SSH2: variants seen among roughly 807,000 people sequenced by gnomAD.
The protein encoded by SSH2 is slingshot protein phosphatase 2, also known as protein phosphatase Slingshot homolog 2.
A neutral mutation model predicts 135.2 loss-of-function variants in SSH2; 37 were observed. That is an observed-to-expected ratio of 0.27 (90% CI 0.21 to 0.36). The LOEUF is 0.36. Among genes scored for constraint, SSH2 ranks in the 10% least tolerant of loss-of-function variants. SSH2 has a pLI of 1.00. For synonymous variants in SSH2, 628 were observed against 646.2 expected (o/e 0.97, Z 0.43); for missense variants, 1,408 against 1,765.3 (o/e 0.80, Z 3.63).
At chr17:29,796,183 CCT>C (rs2042152637) in intron 2 of SSH2, among the ~76,000 whole-genome samples, 1 of 152,182 alleles carries the variant, frequency 6.6e-6, no homozygotes, top group Non-Finnish European at 1.5e-5. Flanking sequence ...CTTCTGTTTG[CCT>C]CTTATTTCCC....
intron 1 of SSH2, among the ~76,000 whole-genome samples, chr17:29,892,364 G>A (rs979575239): frequency 2.6e-5 from 4 of 151,788 alleles, no homozygotes; most frequent in African/African-American, 9.7e-5. Context: ...TGAGGGTGTT[G>A]CTCTTTAGAC....
At chr17:29,702,863 G>T in intron 4 of SSH2, 96 bp downstream of exon 4, 1 of 995,334 alleles carries the variant, frequency 1.0e-6, no homozygotes. Flanking sequence ...CACCATTAAA[G>T]AACTTCTGAA....
rs565770525 is a variant in SSH2 at position 29,721,678 on chromosome 17, T to C, written c.189-18616A>G. Among the ~76,000 whole-genome samples the C allele has an allele frequency of 2.6e-5, 4 of 152,292 alleles. No homozygotes were observed. The South Asian group carries it at 8.3e-4, about 32-fold the overall frequency. On this transcript the variant is annotated intron_variant, in intron 3 of 15. Transcript: ENST00000540801. ...AAGGAAGGTGGCTGAAGATATTCAA[T>C]AACAAACTTTCTACCAAAACAAGGA...
intron 1 of SSH2, among the ~76,000 whole-genome samples, chr17:29,917,904 T>G (rs1217824302): frequency 6.6e-6 from 1 of 151,768 alleles, no homozygotes; most frequent in East Asian, 1.9e-4. Context: ...TCAGGCCAGG[T>G]GCATATGGCT....
Position 29,632,376 on chromosome 17 carries a change from T to G in SSH2, c.2818A>C (p.Lys940Gln). Residue 940 changes from lysine to glutamine, a missense_variant, in exon 16 of 16, where the codon AAA becomes CAA. Lys to Gln is a moderately conservative substitution (Grantham distance 53). Coordinates refer to ENST00000540801, the MANE Select transcript of SSH2 (RefSeq NM_001282129.2). Reference sequence around the variant, plus strand: ...TGTTCTGGGGGGGCTTCATCACTTTTCCCTTTTGGTGCTAGGTCTGCCACA... The same window carrying G: ...TGTTCTGGGGGGGCTTCATCACTTTGCCCTTTTGGTGCTAGGTCTGCCACA... ...SSVADLAPKG[K>Q]SDEAPPEHSF... is the part of the protein sequence containing the mutation. 3 of 1,614,062 alleles carry G rather than the reference T, an allele frequency of 1.9e-6. No homozygotes were observed. The South Asian group carries it at 3.3e-5, about 18-fold the overall frequency.
intron 1 of SSH2, among the ~76,000 whole-genome samples, chr17:29,917,400 T>C (rs1486627643): frequency 6.6e-6 from 1 of 152,208 alleles, no homozygotes; most frequent in East Asian, 1.9e-4. Context: ...GGTTTGTGCC[T>C]TTCCCACTGC....
intron 2 of SSH2, among the ~76,000 whole-genome samples, chr17:29,813,843 A>T (rs1401443773): frequency 2.0e-5 from 3 of 147,892 alleles, no homozygotes; most frequent in Admixed American, 6.8e-5. Flanking sequence ...ATTAAAATTT[A>T]AAAAAAGGCT....
At chr17:29,927,598 C>T (rs1342954373) in intron 1 of SSH2, among the ~76,000 whole-genome samples, 1 of 152,146 alleles carries the variant, frequency 6.6e-6, no homozygotes, top group Non-Finnish European at 1.5e-5. Flanking sequence ...ACAAACAACC[C>T]AACCTATTCA....
At chr17:29,690,007 C>A (rs1217828235) in intron 5 of SSH2, among the ~76,000 whole-genome samples, 3 of 112,082 alleles carry the variant, frequency 2.7e-5, no homozygotes, top group Admixed American at 1.1e-4. Flanking sequence ...AAGCGAGATC[C>A]ATCTCAAAAA....
chr17:29,747,386 T>C (rs1161587488), intron 3 of SSH2, among the ~76,000 whole-genome samples: 1 of 152,134 alleles, frequency 6.6e-6, no homozygotes, highest in African/African-American at 2.4e-5. Context: ...ATCCCTCGAA[T>C]TACTAAAAGA....
chr17:29,797,310 C>T (rs1164866212), intron 2 of SSH2, among the ~76,000 whole-genome samples: 2 of 152,154 alleles, frequency 1.3e-5, no homozygotes, highest in Non-Finnish European at 2.9e-5. Context: ...ACCACCCACT[C>T]CTGAGGCAAC....
intron 7 of SSH2, 65 bp downstream of exon 7, chr17:29,677,608 T>C: frequency 2.3e-6 from 3 of 1,328,752 alleles, no homozygotes; most frequent in Admixed American, 3.4e-5. Context: ...GCTGAATGAA[T>C]GTGCAGTAAG....
At chr17:29,737,382 ATTT>A (rs1339880346) in intron 3 of SSH2, among the ~76,000 whole-genome samples, 4 of 152,066 alleles carry the variant, frequency 2.6e-5, no homozygotes, top group African/African-American at 9.7e-5. Context: ...TCAGCTAATT[ATTT>A]ATTTATAATA....
intron 4 of SSH2, among the ~76,000 whole-genome samples, chr17:29,696,208 C>CACACACACACAAAT (rs373379041): frequency 7.1e-6 from 1 of 140,802 alleles, no homozygotes; most frequent in African/African-American, 2.6e-5. Flanking sequence ...CACACACACA[C>CACACACACACAAAT]ATATGTATAT....
intron 1 of SSH2, among the ~76,000 whole-genome samples, chr17:29,871,000 C>A (rs1383456187): frequency 6.6e-6 from 1 of 152,146 alleles, no homozygotes; most frequent in Non-Finnish European, 1.5e-5. Context: ...ACAGGGCCAA[C>A]TGAAGCAGTA....
At chr17:29,860,624 G>C (rs906218885) in intron 1 of SSH2, among the ~76,000 whole-genome samples, 2 of 151,822 alleles carry the variant, frequency 1.3e-5, no homozygotes, top group Non-Finnish European at 2.9e-5. Flanking sequence ...TATGGACAAG[G>C]TTTCGCCATG....
intron 3 of SSH2, among the ~76,000 whole-genome samples, chr17:29,759,075 G>A (rs1248979885): frequency 6.6e-6 from 1 of 151,618 alleles, no homozygotes; most frequent in East Asian, 1.9e-4. Context: ...TTTGAGACAG[G>A]GTCTTGCTCT....
chr17:29,793,644 TTA>T, intron 3 of SSH2: 1 of 322,782 alleles, frequency 3.1e-6, no homozygotes, highest in Non-Finnish European at 5.8e-6. Flanking sequence ...CTTTTTTTTT[TTA>T]AAAAACGGAG....
rs200784350 is a variant in SSH2, at chr17:29,900,966, C to CAT, written c.63+28970_63+28971dup. Among the ~76,000 whole-genome samples the CAT allele has an allele frequency of 3.8e-3, 574 of 152,274 alleles. 22 individuals are homozygous for CAT. In the East Asian group the frequency reaches 0.098, roughly 26 times the overall value. ...ATGCAGCCATAAAAAATGATGAGTTCATGTCCTTTGTAGGGACATGGATGA... is the reference window on the plus strand; with the variant it reads ...ATGCAGCCATAAAAAATGATGAGTTCATATGTCCTTTGTAGGGACATGGATGA... On this transcript the variant is annotated intron_variant, in intron 1 of 15. Transcript: ENST00000540801.
Sources: gnomAD v4.1 joint callset for allele counts (sites outside exome capture counted in the v4.1 genomes callset) on GRCh38, gnomAD v4.1.1 for gene constraint, MANE v1.5 for transcripts, NCBI Gene and HGNC (gene_info 2026-07-23, HGNC 2026-07-21) for gene names.